Variants in LAMC1 observed in about 807,000 individuals in gnomAD.
LAMC1 encodes laminin subunit gamma 1.
Under a neutral mutation model 173.6 loss-of-function variants are expected in LAMC1, and 38 were observed. The observed-to-expected ratio is 0.22, with a 90% CI of 0.17 to 0.29. The LOEUF is 0.29. Among genes scored for constraint, LAMC1 ranks in the 10% least tolerant of loss-of-function variants. The pLI is 1.00. For missense variants in LAMC1, 1,824 were observed against 2,051.8 expected (o/e 0.89, Z 2.14); for synonymous variants, 746 against 749.1 (o/e 1.00, Z 0.07).
chr1:183,098,673 G>T (rs995218083), intron 1 of LAMC1, among the ~76,000 whole-genome samples: 19 of 152,204 alleles, frequency 1.2e-4, no homozygotes, highest in Middle Eastern at 3.4e-3. Flanking sequence ...TGTCTTTGCC[G>T]CCAGTCTTGA....
intron 1 of LAMC1, among the ~76,000 whole-genome samples, chr1:183,033,227 C>G (rs1009456429): frequency 9.9e-5 from 15 of 152,178 alleles, no homozygotes; most frequent in Non-Finnish European, 1.3e-4. Flanking sequence ...GTTGAGTGAT[C>G]AAATCAGTGA....
chr1:183,109,728 T>C lies in LAMC1; in HGVS notation c.855-760T>C, dbSNP rs1656089841. On this transcript the variant is annotated intron_variant, in intron 3 of 27. Coordinates refer to ENST00000258341, the MANE Select transcript of LAMC1 (RefSeq NM_002293.4). Reference sequence around the variant, plus strand: ...ATGGTAGTTGAAGCTATGAGACTGATTGCTGTCATTAAGGAAGCAAGTGAG... The same window carrying C: ...ATGGTAGTTGAAGCTATGAGACTGACTGCTGTCATTAAGGAAGCAAGTGAG... Among the ~76,000 whole-genome samples the C allele has an allele frequency of 7.9e-5, 12 of 152,284 alleles. No homozygotes were observed. In the South Asian group the frequency reaches 2.3e-3, roughly 29 times the overall value.
At chr1:183,104,957 C>T (rs1655931595) in intron 2 of LAMC1, among the ~76,000 whole-genome samples, 1 of 151,670 alleles carries the variant, frequency 6.6e-6, no homozygotes, top group Admixed American at 6.6e-5. Context: ...GGCTGTAATA[C>T]CAGCACTTTG....
chr1:183,067,926 T>C (rs149083670), intron 1 of LAMC1, among the ~76,000 whole-genome samples: 2 of 152,342 alleles, frequency 1.3e-5, no homozygotes, highest in East Asian at 1.9e-4. Flanking sequence ...TGGGTGCTTC[T>C]GTAATAAAAT....
chr1:183,048,099 CT>C (rs749274660), intron 1 of LAMC1, among the ~76,000 whole-genome samples: 1 of 152,102 alleles, frequency 6.6e-6, no homozygotes, highest in Non-Finnish European at 1.5e-5. Flanking sequence ...TTCTTAGCCT[CT>C]TTTTTTCTAA....
intron 6 of LAMC1, 63 bp from the exon 7 acceptor site, chr1:183,116,514 C>G: frequency 8.9e-7 from 1 of 1,124,826 alleles, no homozygotes; most frequent in Non-Finnish European, 1.3e-6. Flanking sequence ...AAACAAAGGG[C>G]TGACTTGAAG....
chr1:183,095,299 G>A (rs1348786501), intron 1 of LAMC1, among the ~76,000 whole-genome samples: 3 of 151,760 alleles, frequency 2.0e-5, no homozygotes, highest in Non-Finnish European at 2.9e-5. Context: ...CCGTGACTAG[G>A]TATTAGAATC....
intron 17 of LAMC1, among the ~76,000 whole-genome samples, chr1:183,128,330 G>A (rs538756471): frequency 9.9e-5 from 15 of 152,094 alleles, no homozygotes; most frequent in Non-Finnish European, 1.9e-4. Flanking sequence ...AACTAGCCAC[G>A]TCTTCTCTTC....
chr1:183,086,665 T>C (rs1186885560), intron 1 of LAMC1, among the ~76,000 whole-genome samples: 1 of 152,216 alleles, frequency 6.6e-6, no homozygotes, highest in East Asian at 1.9e-4. Flanking sequence ...CCTTACCTTC[T>C]ATTATTCATT....
intron 16 of LAMC1, 62 bp from the exon 17 acceptor site, chr1:183,127,164 A>G: frequency 6.7e-7 from 1 of 1,496,676 alleles, no homozygotes; most frequent in Non-Finnish European, 9.2e-7. Flanking sequence ...TATCAGTCTG[A>G]ATTAAGAGAT....
Position 183,135,114 on chromosome 1 carries a change from G to A in LAMC1, c.4072G>A (p.Asp1358Asn), listed in dbSNP as rs143200486. 1.8e-5 allele frequency: 29 copies of A among 1,614,046 alleles called. No homozygotes were observed. In the African/African-American group the frequency reaches 3.2e-4, roughly 18 times the overall value. ...TGAAGAAGCTGCAAAGAAGGGACGG[G>A]ATACCTTACAAGAAGCTAATGACAT... ...LAEEAAKKGRDTLQEANDILN... is the reference protein window; with the variant it reads ...LAEEAAKKGRNTLQEANDILN... The change falls in exon 24 of 28, where the codon GAT (aspartate) becomes AAT (asparagine). Residue 1358 changes from aspartate (D) to asparagine (N), a missense_variant. Asp to Asn is a conservative substitution (Grantham distance 23, BLOSUM62 1). Transcript: ENST00000258341.
chr1:183,031,531 C>T (rs1010882413), intron 1 of LAMC1, among the ~76,000 whole-genome samples: 7 of 151,940 alleles, frequency 4.6e-5, no homozygotes, highest in African/African-American at 1.2e-4. Flanking sequence ...TTTGAACTCC[C>T]GACCTCAGGT....
intron 10 of LAMC1, 75 bp downstream of exon 10, chr1:183,117,798 C>T: frequency 6.2e-6 from 8 of 1,290,402 alleles, no homozygotes; most frequent in Non-Finnish European, 7.6e-6. Context: ...GTTTAACTGG[C>T]CTCTAGATGT....
At position 183,142,694 on chromosome 1, in the gene LAMC1, T is replaced by C; in HGVS notation, c.4734T>C (p.Asp1578=). Reference sequence around the variant, plus strand: ...CTGCCATCATGGACTATAACCGAGATATCGAGGAGATCATGAAGGACATTC... The same window carrying C: ...CTGCCATCATGGACTATAACCGAGACATCGAGGAGATCATGAAGGACATTC... ...QEAAIMDYNR[D]IEEIMKDIRN... Residue 1578 remains aspartate (D), a synonymous_variant, in exon 28 of 28, where the codon GAT becomes GAC. Transcript: ENST00000258341. The C allele has an allele frequency of 6.2e-7, 1 of 1,613,996 alleles. No homozygotes were observed. The highest frequency in any genetic ancestry group is 8.5e-7 in the Non-Finnish European group (1 of 1,179,948).
intron 4 of LAMC1, among the ~76,000 whole-genome samples, chr1:183,114,231 G>A (rs371952560): frequency 4.1e-4 from 62 of 152,216 alleles, no homozygotes; most frequent in African/African-American, 1.4e-3. Context: ...TACCACACCC[G>A]GCTAATTTTT....
chr1:183,110,499 A>G lies in LAMC1; in HGVS notation c.866A>G (p.Asn289Ser), dbSNP rs767392470. Residue 289 changes from asparagine to serine, a missense_variant, in exon 4 of 28, where the codon AAT (asparagine) becomes AGT (serine). Coordinates refer to ENST00000258341, the MANE Select transcript of LAMC1 (RefSeq NM_002293.4). ...TCTTCTCTCCCCAGATGTAAATGTA[A>G]TGGACACGCAAGCGAGTGTATGAAG... Reference protein sequence around the residue: ...DFAVGGRCKCNGHASECMKNE... With the variant: ...DFAVGGRCKCSGHASECMKNE... 1 of 1,611,380 alleles carries G rather than the reference A, an allele frequency of 6.2e-7. No homozygotes were observed. Among genetic ancestry groups the G allele is most frequent in the Non-Finnish European group, 8.5e-7 (1 of 1,178,216 alleles).
chr1:183,119,720 T>C (rs1052583429), intron 11 of LAMC1, among the ~76,000 whole-genome samples: 1 of 151,006 alleles, frequency 6.6e-6, no homozygotes, highest in African/African-American at 2.4e-5. Context: ...GGACAATGAG[T>C]GTGACCCTGT....
intron 1 of LAMC1, among the ~76,000 whole-genome samples, chr1:183,079,851 C>T (rs1248797141): frequency 6.6e-6 from 1 of 151,994 alleles, no homozygotes; most frequent in Non-Finnish European, 1.5e-5. Flanking sequence ...AGAATTCTGC[C>T]AAAAAGAAAC....
intron 5 of LAMC1, among the ~76,000 whole-genome samples, chr1:183,114,927 AG>A (rs1656276643): frequency 6.6e-6 from 1 of 152,178 alleles, no homozygotes; most frequent in African/African-American, 2.4e-5. Flanking sequence ...GGTGTGTAAG[AG>A]GGGGGTGGTG....
Sources: gnomAD v4.1 joint callset for allele counts (sites outside exome capture counted in the v4.1 genomes callset) on GRCh38, gnomAD v4.1.1 for gene constraint, MANE v1.5 for transcripts, NCBI Gene and HGNC (gene_info 2026-07-23, HGNC 2026-07-21) for gene names.